Variants in FOXP1 observed in about 807,000 individuals in gnomAD.
FOXP1 encodes the protein forkhead box P1, also known as forkhead box protein P1.
FOXP1 carries 15 observed loss-of-function variants against 98.2 expected under a neutral mutation model. That is an observed-to-expected ratio of 0.15 (90% CI 0.10 to 0.24). FOXP1 has a LOEUF of 0.24. Among genes scored for constraint, FOXP1 ranks in the 10% least tolerant of loss-of-function variants. The pLI, the probability that FOXP1 is intolerant of heterozygous loss-of-function variation, is 1.00. For synonymous variants in FOXP1, 371 were observed against 314.5 expected (o/e 1.18, Z -1.90); for missense variants, 633 against 848.5 (o/e 0.75, Z 3.15).
chr3:71,405,486 T>C (rs1276161367), intron 3 of FOXP1, among the ~76,000 whole-genome samples: 3 of 152,128 alleles, frequency 2.0e-5, no homozygotes, highest in Admixed American at 1.3e-4. Context: ...AGTTTGCAGA[T>C]GGAAAAACTG....
chr3:71,129,737 A>G (rs1252249294), intron 6 of FOXP1, among the ~76,000 whole-genome samples: 2 of 152,190 alleles, frequency 1.3e-5, no homozygotes, highest in African/African-American at 4.8e-5. Flanking sequence ...CATGTGTTTA[A>G]AAAGTCATTT....
At chr3:71,299,912 T>A (rs2073699766) in intron 4 of FOXP1, 32 bp from the exon 5 acceptor site, 1 of 152,664 alleles carries the variant, frequency 6.6e-6, no homozygotes, top group South Asian at 2.1e-4. Flanking sequence ...AAAATCTGAA[T>A]GTCAAGAGAA....
chr3:71,261,701 C>G (rs1044010116), intron 5 of FOXP1, among the ~76,000 whole-genome samples: 1 of 152,080 alleles, frequency 6.6e-6, no homozygotes, highest in Admixed American at 6.6e-5. Flanking sequence ...GACTGTCTCT[C>G]TTGGTGGCCT....
Position 71,583,629 on chromosome 3 carries a change from G to GCCCACTCCCGCCCGCGCGCGCACC in FOXP1, c.-529_-506dup. The GCCCACTCCCGCCCGCGCGCGCACC allele has an allele frequency of 1.0e-6, 1 of 983,418 alleles. No homozygotes were observed. Among genetic ancestry groups the GCCCACTCCCGCCCGCGCGCGCACC allele is most frequent in the Non-Finnish European group, 1.2e-6 (1 of 829,342 alleles). The allele number at this position is 983,418 out of a possible 1,614,324, so 60.9% of individuals were successfully genotyped here. On this transcript the variant is annotated 5_prime_UTR_variant, in exon 1 of 21. Transcript: ENST00000649528. Reference sequence around the variant, plus strand: ...TGTTTTCGGGCCTTTCCCCGCGCGCGCCCACTCCCGCCCGCGCGCGCACCC... The same window carrying GCCCACTCCCGCCCGCGCGCGCACC: ...TGTTTTCGGGCCTTTCCCCGCGCGCGCCCACTCCCGCCCGCGCGCGCACCCCCACTCCCGCCCGCGCGCGCACCC...
At chr3:71,346,500 C>A (rs1457414444) in intron 4 of FOXP1, among the ~76,000 whole-genome samples, 1 of 152,188 alleles carries the variant, frequency 6.6e-6, no homozygotes, top group Non-Finnish European at 1.5e-5. Context: ...ATTAATACAA[C>A]CACACAGTAA....
intron 5 of FOXP1, among the ~76,000 whole-genome samples, chr3:71,234,250 G>A (rs973968282): frequency 6.6e-6 from 1 of 151,888 alleles, no homozygotes; most frequent in East Asian, 1.9e-4. Flanking sequence ...TGGCTGTCAG[G>A]GACAAACACC....
rs1045724463 is a variant in FOXP1, at chr3:70,977,626, C to T, written c.1428+17G>A. 3 of 1,579,830 alleles carry T rather than the reference C, an allele frequency of 1.9e-6. No individual in the cohort carries two copies. The highest frequency in any genetic ancestry group is 1.7e-6 in the Non-Finnish European group (2 of 1,149,520). ...ATACCTTCTGACAGAATTTCATATA[C>T]TGTGTTATTTACTTACCTGCCTAAT... On this transcript the variant is annotated intron_variant, in intron 16 of 20. Transcript: ENST00000649528.
intron 2 of FOXP1, among the ~76,000 whole-genome samples, chr3:71,510,944 TA>T (rs1234401745): frequency 6.6e-6 from 1 of 152,212 alleles, no homozygotes; most frequent in Non-Finnish European, 1.5e-5. Flanking sequence ...GTGCTAAATT[TA>T]AAGAAACAAC....
Position 70,959,152 on chromosome 3 carries a change from A to G in FOXP1, c.*95T>C. ...GTAGTGAAAATCCTCCAGACTGTACAACAAATGGAGAACAATTTCACTGCT... is the reference window on the plus strand; with the variant it reads ...GTAGTGAAAATCCTCCAGACTGTACGACAAATGGAGAACAATTTCACTGCT... On this transcript the variant is annotated 3_prime_UTR_variant, in exon 21 of 21. Transcript: ENST00000649528. 3 of 1,451,764 alleles carry G rather than the reference A, an allele frequency of 2.1e-6. No homozygotes were observed. The highest frequency in any genetic ancestry group is 1.9e-6 in the Non-Finnish European group (2 of 1,038,194). The allele number at this position is 1,451,764 out of a possible 1,614,324, so 89.9% of individuals were successfully genotyped here.
At chr3:71,227,319 T>C (rs980059416) in intron 5 of FOXP1, among the ~76,000 whole-genome samples, 44 of 152,314 alleles carry the variant, frequency 2.9e-4, no homozygotes, top group African/African-American at 1.0e-3. Context: ...AATTACCGTG[T>C]CTTCCTATTG....
intron 4 of FOXP1, among the ~76,000 whole-genome samples, chr3:71,324,627 G>A (rs911040189): frequency 6.6e-6 from 1 of 151,812 alleles, no homozygotes; most frequent in Non-Finnish European, 1.5e-5. Context: ...GGGGTGGGGG[G>A]AGTGGGGAGG....
At chr3:71,464,873 C>A (rs998552032) in intron 3 of FOXP1, among the ~76,000 whole-genome samples, 1 of 152,208 alleles carries the variant, frequency 6.6e-6, no homozygotes, top group Non-Finnish European at 1.5e-5. Flanking sequence ...AACTGCCCCC[C>A]TTCCCCTTAC....
At chr3:70,966,132 C>A in intron 19 of FOXP1, 76 bp from the exon 20 acceptor site, 2 of 1,215,324 alleles carry the variant, frequency 1.6e-6, no homozygotes, top group South Asian at 1.2e-5. Context: ...TGGGTGTACT[C>A]GATAATCTTC....
Position 70,956,522 on chromosome 3 carries a change from G to A in FOXP1, c.*2725C>T, listed in dbSNP as rs797003283. On this transcript the variant is annotated 3_prime_UTR_variant, in exon 21 of 21. Coordinates refer to ENST00000649528, the MANE Select transcript of FOXP1 (RefSeq NM_001349338.3). ...TTTAAATTTTAATCATTCCCTAAAG[G>A]TTTGAACTGAGGTATGCGTACTAAC... The A allele has an allele frequency of 6.1e-5, 14 of 228,070 alleles. No homozygotes were observed. Among genetic ancestry groups the A allele is most frequent in the African/African-American group, 2.7e-4 (12 of 44,698 alleles). The allele number at this position is 228,070 out of a possible 1,614,324, so 14.1% of individuals were successfully genotyped here.
chr3:71,419,436 A>G (rs898268846), intron 3 of FOXP1, among the ~76,000 whole-genome samples: 1 of 151,870 alleles, frequency 6.6e-6, no homozygotes, highest in Non-Finnish European at 1.5e-5. Flanking sequence ...TAGAAGAACT[A>G]CAAAGAAAAA....
intron 7 of FOXP1, among the ~76,000 whole-genome samples, chr3:71,074,353 A>T (rs2053582486): frequency 6.6e-6 from 1 of 152,092 alleles, no homozygotes; most frequent in Admixed American, 6.5e-5. Flanking sequence ...CAGCCTCCCC[A>T]GTAGCTGGGA....
intron 5 of FOXP1, among the ~76,000 whole-genome samples, chr3:71,275,572 G>A (rs1279166503): frequency 6.6e-6 from 1 of 152,224 alleles, no homozygotes; most frequent in Non-Finnish European, 1.5e-5. Context: ...GATAGGTTCA[G>A]ACAAGCAGGT....
At chr3:71,489,271 A>G (rs991845556) in intron 3 of FOXP1, among the ~76,000 whole-genome samples, 1 of 152,216 alleles carries the variant, frequency 6.6e-6, no homozygotes, top group Non-Finnish European at 1.5e-5. Flanking sequence ...TAGCAATTTG[A>G]TTATGAGAGA....
intron 13 of FOXP1, among the ~76,000 whole-genome samples, chr3:70,994,095 CTG>C (rs1418037983): frequency 6.6e-6 from 1 of 151,866 alleles, no homozygotes; most frequent in East Asian, 1.9e-4. Context: ...CACAGAGGGA[CTG>C]TGGGGATTCC....
Sources: gnomAD v4.1 joint callset for allele counts (sites outside exome capture counted in the v4.1 genomes callset) on GRCh38, gnomAD v4.1.1 for gene constraint, MANE v1.5 for transcripts, NCBI Gene and HGNC (gene_info 2026-07-23, HGNC 2026-07-21) for gene names.